Variants in SDK1 observed in about 807,000 individuals in gnomAD.
SDK1 encodes the protein sidekick cell adhesion molecule 1.
A neutral mutation model predicts 245.5 loss-of-function variants in SDK1; 157 were observed. The observed-to-expected ratio is 0.64, with a 90% CI of 0.56 to 0.73. The LOEUF is 0.73. Ranked by LOEUF, SDK1 falls within the 30% of genes least tolerant of loss-of-function variation. SDK1 has a pLI of 0.00. For synonymous variants in SDK1, 1,647 were observed against 1,278.5 expected, an observed-to-expected ratio of 1.29 and a Z score of -6.15; for missense variants, 3,583 against 3,002.3, an observed-to-expected ratio of 1.19 and a Z score of -4.52.
intron 25 of SDK1, 56 bp downstream of exon 25, chr7:4,114,330 G>A: frequency 7.4e-7 from 1 of 1,360,536 alleles, no homozygotes; most frequent in Non-Finnish European, 1.0e-6. Context: ...GGGGCTGAGT[G>A]CCCCTGAGCC....
In SDK1 at chr7:4,174,364, C is replaced by T; in HGVS notation, c.4936+7C>T. Reference sequence around the variant, plus strand: ...TTACATGCTGAGCTCACAGGTGAGACTGTCCCCTCTGTCCTGGTACAGGGA... The same window carrying T: ...TTACATGCTGAGCTCACAGGTGAGATTGTCCCCTCTGTCCTGGTACAGGGA... On this transcript the variant is annotated splice_region_variant and intron_variant, in intron 33 of 44. Coordinates refer to ENST00000404826, the MANE Select transcript of SDK1 (RefSeq NM_152744.4). 6.2e-7 allele frequency: 1 copy of T among 1,613,440 alleles called. No homozygotes were observed. Among genetic ancestry groups the T allele is most frequent in the South Asian group, 1.1e-5 (1 of 91,076 alleles).
Position 4,217,697 on chromosome 7 carries a change from G to T in SDK1, c.5540-2412G>T, listed in dbSNP as rs377533196. Among the ~76,000 whole-genome samples, 50 of 152,304 alleles carry T rather than the reference G, an allele frequency of 3.3e-4. No individual in the cohort carries two copies. In the South Asian group the frequency reaches 0.01, roughly 31 times the overall value. ...TGCTTGGGAATCCGATTTTATGGCA[G>T]AGCTATTTTTACATTTTTTAAAATG... On this transcript the variant is annotated intron_variant, in intron 38 of 44. Transcript: ENST00000404826.
At chr7:3,599,224 G>A (rs1224620032) in intron 1 of SDK1, among the ~76,000 whole-genome samples, 1 of 149,190 alleles carries the variant, frequency 6.7e-6, no homozygotes, top group Non-Finnish European at 1.5e-5. Context: ...AATCGTTAAT[G>A]ATATTGAACA....
chr7:3,787,730 T>C (rs1203237288), intron 4 of SDK1, among the ~76,000 whole-genome samples: 1 of 152,206 alleles, frequency 6.6e-6, no homozygotes, highest in Non-Finnish European at 1.5e-5. Flanking sequence ...AGATGCTCTC[T>C]AAAAAACTCT....
intron 1 of SDK1, among the ~76,000 whole-genome samples, chr7:3,566,719 CCA>C (rs1491409102): frequency 1.5e-5 from 2 of 136,140 alleles, no homozygotes; most frequent in Admixed American, 7.4e-5. Context: ...GAAACTACTG[CCA>C]AAAAAAAAAA....
At chr7:3,986,603 G>A (rs557397013) in intron 13 of SDK1, among the ~76,000 whole-genome samples, 2 of 152,230 alleles carry the variant, frequency 1.3e-5, no homozygotes, top group African/African-American at 4.8e-5. Context: ...GCTCACGCCT[G>A]TAATCCCAGC....
At chr7:4,057,420 G>A (rs1466348650) in intron 19 of SDK1, among the ~76,000 whole-genome samples, 2 of 152,144 alleles carry the variant, frequency 1.3e-5, no homozygotes, top group Non-Finnish European at 2.9e-5. Flanking sequence ...CACCACCCCT[G>A]GGCCTGGGGA....
intron 2 of SDK1, among the ~76,000 whole-genome samples, chr7:3,629,567 C>G (rs1429873702): frequency 1.3e-5 from 2 of 152,192 alleles, no homozygotes; most frequent in South Asian, 2.1e-4. Context: ...ATAGCCTGCA[C>G]AGAGGTGTCT....
At chr7:4,010,896 T>C in intron 14 of SDK1, 70 bp from the exon 15 acceptor site, 1 of 1,517,978 alleles carries the variant, frequency 6.6e-7, no homozygotes, top group African/African-American at 1.4e-5. Flanking sequence ...GAGAAAGCCT[T>C]TGCATTCACC....
At chr7:3,549,571 C>T (rs1779336403) in intron 1 of SDK1, among the ~76,000 whole-genome samples, 1 of 152,170 alleles carries the variant, frequency 6.6e-6, no homozygotes, top group African/African-American at 2.4e-5. Context: ...GCACACCAGA[C>T]AGAATTTAGA....
intron 1 of SDK1, among the ~76,000 whole-genome samples, chr7:3,405,605 A>G (rs991415938): frequency 2.6e-5 from 4 of 152,154 alleles, no homozygotes; most frequent in African/African-American, 2.4e-5. Context: ...CTGGAGTAAC[A>G]TGTAGATCTA....
At chr7:3,681,818 G>T (rs549465921) in intron 4 of SDK1, among the ~76,000 whole-genome samples, 1 of 152,236 alleles carries the variant, frequency 6.6e-6, no homozygotes, top group East Asian at 1.9e-4. Context: ...ACATGAATTG[G>T]ATTAGAACAA....
rs745663226 is a variant in SDK1, at chr7:4,149,340, C to T, written c.4502C>T (p.Pro1501Leu). The T allele has an allele frequency of 5.0e-6, 8 of 1,590,432 alleles. No individual in the cohort carries two copies. Among genetic ancestry groups the T allele is most frequent in the South Asian group, 3.4e-5 (3 of 87,700 alleles). ...TARSLRLQWV[P>L]GSDGASPIRY... ...CGCAGCCTCCGGCTCCAGTGGGTCC[C>T]GGGCAGCGACGGGGCCTCCCCCATC... Residue 1501 changes from proline to leucine, a missense_variant, in exon 30 of 45, where the codon CCG becomes CTG. By Grantham distance (98) the Pro-to-Leu change is moderately conservative (BLOSUM62 -3). Coordinates refer to ENST00000404826, the MANE Select transcript of SDK1 (RefSeq NM_152744.4).
chr7:4,267,233 C>T lies in SDK1; in HGVS notation c.*1849C>T, dbSNP rs1788523417. ...CCCTCCTTTCCTTCCTTCCTCCCTT[C>T]CTCTCTTCTTTCCTCCCTCCCTCCC... On this transcript the variant is annotated 3_prime_UTR_variant, in exon 45 of 45. Coordinates refer to ENST00000404826, the MANE Select transcript of SDK1 (RefSeq NM_152744.4). 2.3e-6 allele frequency: 2 copies of T among 853,366 alleles called. No homozygotes were observed. 52.9% of individuals were successfully genotyped at this position (853,366 alleles called of 1,614,324 possible).
intron 1 of SDK1, among the ~76,000 whole-genome samples, chr7:3,328,744 C>A (rs911057871): frequency 4.6e-5 from 7 of 152,040 alleles, no homozygotes; most frequent in Non-Finnish European, 7.4e-5. Flanking sequence ...CTTTCCATGA[C>A]CACACACATA....
chr7:3,748,031 T>A (rs562741413), intron 4 of SDK1, among the ~76,000 whole-genome samples: 11 of 152,318 alleles, frequency 7.2e-5, no homozygotes, highest in African/African-American at 2.6e-4. Flanking sequence ...TTGATTATAC[T>A]GTATATCACA....
At chr7:3,356,625 T>C (rs1219378351) in intron 1 of SDK1, among the ~76,000 whole-genome samples, 1 of 152,232 alleles carries the variant, frequency 6.6e-6, no homozygotes, top group Non-Finnish European at 1.5e-5. Context: ...CTAAGTGTGT[T>C]GTCTGTAATT....
chr7:4,162,531 C>G (rs1781217630), intron 32 of SDK1, among the ~76,000 whole-genome samples: 2 of 151,952 alleles, frequency 1.3e-5, no homozygotes, highest in Non-Finnish European at 2.9e-5. Flanking sequence ...TCCCAAGTAG[C>G]TGGGATTACA....
intron 1 of SDK1, among the ~76,000 whole-genome samples, chr7:3,429,366 A>T (rs530145941): frequency 2.7e-4 from 41 of 152,314 alleles, no homozygotes; most frequent in Admixed American, 7.2e-4. Context: ...TTCTGAGATT[A>T]TAGAGCTAGT....
Sources: allele counts gnomAD v4.1 joint callset (sites outside exome capture counted in the v4.1 genomes callset), GRCh38; gene constraint gnomAD v4.1.1; transcripts MANE v1.5; gene names NCBI Gene and HGNC (gene_info 2026-07-23, HGNC 2026-07-21).